Variants in PML observed in about 807,000 individuals in gnomAD.
PML encodes protein PML.
PML carries 28 observed loss-of-function variants against 65.2 expected under a neutral mutation model. The ratio of observed to expected loss-of-function variants is 0.43; its 90% CI spans 0.32 to 0.59. The LOEUF (loss-of-function observed/expected upper bound fraction) is 0.59, where lower values mean the gene tolerates loss of function less well. Ranked by LOEUF, PML falls within the 20% of genes least tolerant of loss-of-function variation. PML has a pLI of 0.08. For missense variants in PML, 1,021 were observed against 1,203.4 expected (o/e 0.85, Z 2.24); for synonymous variants, 500 against 508.8 (o/e 0.98, Z 0.23).
intron 3 of PML, among the ~76,000 whole-genome samples, chr15:74,023,960 A>G (rs2141837195): frequency 6.6e-6 from 1 of 152,294 alleles, no homozygotes; most frequent in Admixed American, 6.5e-5. Context: ...TTGAGAGGTA[A>G]GGAGACACAG....
Position 74,023,418 on chromosome 15 carries a change from C to T in PML, c.1183+10C>T. ...ATCACCCAGGGGAAAGGTAAGCACG[C>T]ACGCCACCTTCCTGGGCGGCCTGTG... On this transcript the variant is annotated intron_variant, in intron 3 of 8. Coordinates refer to ENST00000268058, the MANE Select transcript of PML (RefSeq NM_033238.3). The T allele has an allele frequency of 6.3e-7, 1 of 1,593,408 alleles. No individual in the cohort carries two copies. The highest frequency in any genetic ancestry group is 8.5e-7 in the Non-Finnish European group (1 of 1,176,012).
intron 2 of PML, among the ~76,000 whole-genome samples, chr15:74,012,696 C>T (rs1237467572): frequency 6.6e-6 from 1 of 152,176 alleles, no homozygotes; most frequent in Non-Finnish European, 1.5e-5. Flanking sequence ...GGTTGGCTTC[C>T]ATCCTTCTAG....
intron 7 of PML, chr15:74,036,097 A>T: frequency 6.2e-7 from 1 of 1,613,662 alleles, no homozygotes; most frequent in Non-Finnish European, 8.5e-7. Flanking sequence ...ATGAATGGCT[A>T]TGCATGGACC....
rs1185807473 is a variant in PML, at chr15:73,998,201, C to T, written c.327C>T (p.Phe109=). 13 of 1,614,090 alleles carry T rather than the reference C, an allele frequency of 8.1e-6. No individual in the cohort carries two copies. The highest frequency in any genetic ancestry group is 1.6e-4 in the Middle Eastern group (1 of 6,084). The change falls in exon 2 of 9, where the codon TTC becomes TTT. Residue 109 remains phenylalanine (F), a synonymous_variant. Coordinates refer to ENST00000268058, the MANE Select transcript of PML (RefSeq NM_033238.3). ...CACCCGCCCTGGATAACGTCTTTTTCGAGAGTCTGCAGCGGCGCCTGTCGG... is the reference window on the plus strand; with the variant it reads ...CACCCGCCCTGGATAACGTCTTTTTTGAGAGTCTGCAGCGGCGCCTGTCGG... ...ADTPALDNVF[F]ESLQRRLSVY...
intron 1 of PML, among the ~76,000 whole-genome samples, chr15:73,995,909 A>G (rs1166227909): frequency 1.3e-5 from 2 of 151,860 alleles, no homozygotes; most frequent in Admixed American, 1.3e-4. Flanking sequence ...CCACGCCACC[A>G]TACCTGGCTA....
rs2071716842 is a variant in PML at position 74,042,436 on chromosome 15, A to G, written c.1711-553A>G. The G allele has an allele frequency of 4.1e-6, 4 of 985,374 alleles. No homozygotes were observed. Among genetic ancestry groups the G allele is most frequent in the Non-Finnish European group, 4.8e-6 (4 of 829,902 alleles). 61.0% of individuals were successfully genotyped at this position (985,374 alleles called of 1,614,324 possible). ...GCAGGCTCCCGACCCCTTCCAAAGA[A>G]TCATCTGGGGTTCAAGATGAGGCTT... On this transcript the variant is annotated intron_variant, in intron 7 of 8. Transcript: ENST00000268058. The surrounding 1 kb of genome is among the most constrained non-coding windows in gnomAD (Gnocchi z 5.3).
chr15:74,032,839 T>G (rs566113594), intron 5 of PML, 124 bp downstream of exon 5: 1 of 1,083,196 alleles, frequency 9.2e-7, no homozygotes, highest in East Asian at 2.5e-5. Flanking sequence ...AAGTGTTTGC[T>G]CAACGCCTTC....
chr15:74,035,627 C>A lies in PML; in HGVS notation c.1710+1097C>A. On this transcript the variant is annotated intron_variant, in intron 7 of 8. Coordinates refer to ENST00000268058, the MANE Select transcript of PML (RefSeq NM_033238.3). The surrounding 1 kb of genome is among the most constrained non-coding windows in gnomAD (Gnocchi z 4.1). ...AGCTGCAAAGGGGCATCAGCCCACC[C>A]CACCGGATACGAGGGGCTGTGCGAT... 1.9e-6 allele frequency: 3 copies of A among 1,613,794 alleles called. No homozygotes were observed. The highest frequency in any genetic ancestry group is 2.5e-6 in the Non-Finnish European group (3 of 1,180,044).
intron 2 of PML, among the ~76,000 whole-genome samples, chr15:74,022,050 C>G (rs941033023): frequency 6.6e-6 from 1 of 152,164 alleles, no homozygotes; most frequent in Non-Finnish European, 1.5e-5. Flanking sequence ...CTCCGCCTCC[C>G]GGGTTCAAGC....
chr15:74,010,223 G>A (rs2070266598), intron 2 of PML, among the ~76,000 whole-genome samples: 1 of 90,092 alleles, frequency 1.1e-5, no homozygotes, highest in Non-Finnish European at 2.4e-5. Flanking sequence ...TGTAGAGATG[G>A]GCTTTCATTA....
At chr15:74,036,210 T>G in intron 7 of PML, 1 of 1,575,768 alleles carries the variant, frequency 6.3e-7, no homozygotes, top group Non-Finnish European at 8.6e-7. Flanking sequence ...AGAAAGAAAC[T>G]TCTGTCACCC....
rs190783203 is a variant in PML at position 74,039,114 on chromosome 15, T to C, written c.1711-3875T>C. ...CAGCAGCAACAGGAGGGGGCCAAGG[T>C]GAGGGGGCAGCCTGTGGCAGAAGTG... On this transcript the variant is annotated intron_variant, in intron 7 of 8. Transcript: ENST00000268058. Among the ~76,000 whole-genome samples the C allele has an allele frequency of 2.2e-3, 336 of 151,976 alleles. 4 individuals are homozygous for C. Among genetic ancestry groups the C allele is most frequent in the African/African-American group, 7.7e-3 (318 of 41,442 alleles).
Position 74,035,030 on chromosome 15 carries a change from C to T in PML, c.1710+500C>T, listed in dbSNP as rs1409532019. On this transcript the variant is annotated intron_variant, in intron 7 of 8. Coordinates refer to ENST00000268058, the MANE Select transcript of PML (RefSeq NM_033238.3). This position sits in a 1 kb window ranked among gnomAD's most constrained non-coding sequence, Gnocchi z 4.1. ...AACAGGTGGCCTCGTGGGTAGTGAC[C>T]CTTCTGTCCCTAGAGGTTTATTACT... 1 of 1,485,358 alleles carries T rather than the reference C, an allele frequency of 6.7e-7. No individual in the cohort carries two copies. Among genetic ancestry groups the T allele is most frequent in the East Asian group, 2.3e-5 (1 of 43,970 alleles). The allele number at this position is 1,485,358 out of a possible 1,614,324, so 92.0% of individuals were successfully genotyped here.
intron 2 of PML, among the ~76,000 whole-genome samples, chr15:74,012,525 G>A (rs1256669190): frequency 6.6e-6 from 1 of 152,098 alleles, no homozygotes; most frequent in Non-Finnish European, 1.5e-5. Flanking sequence ...GGCCAGGCTG[G>A]TCTCGAACTC....
At chr15:74,025,470 C>T (rs920375715) in intron 4 of PML, 1 of 167,386 alleles carries the variant, frequency 6.0e-6, no homozygotes, top group Admixed American at 5.6e-5. Flanking sequence ...AGATTTCGAT[C>T]CCAGTTGCCC....
At chr15:74,003,027 G>A (rs2069854465) in intron 2 of PML, among the ~76,000 whole-genome samples, 2 of 152,168 alleles carry the variant, frequency 1.3e-5, no homozygotes, top group African/African-American at 4.8e-5. Flanking sequence ...TCGGGAGGTG[G>A]AGGTATTCCT....
In PML at chr15:74,047,816, AAAAC is replaced by A. The variant is rs2141900728; in HGVS notation, c.*2812_*2815del. On this transcript the variant is annotated 3_prime_UTR_variant, in exon 9 of 9. Coordinates refer to ENST00000268058, the MANE Select transcript of PML (RefSeq NM_033238.3). ...ATAAACACATTTTAGATCTTAGAAA[AAAAC>A]AAAAAAACATGGGCTTGTCTTCAGG... is the stretch of plus-strand genomic sequence containing the variant. 5.7e-6 allele frequency: 1 copy of A among 176,702 alleles called. No homozygotes were observed. Among genetic ancestry groups the A allele is most frequent in the Non-Finnish European group, 1.2e-5 (1 of 82,014 alleles). 10.9% of individuals were successfully genotyped at this position (176,702 alleles called of 1,614,324 possible).
chr15:74,004,538 T>C (rs916004052), intron 2 of PML, among the ~76,000 whole-genome samples: 1 of 152,106 alleles, frequency 6.6e-6, no homozygotes, highest in Non-Finnish European at 1.5e-5. Flanking sequence ...TGGCTTCAAG[T>C]GATCCTCCTG....
chr15:74,046,071 C>T lies in PML; in HGVS notation c.*1063C>T, dbSNP rs2071767528. On this transcript the variant is annotated 3_prime_UTR_variant, in exon 9 of 9. Coordinates refer to ENST00000268058, the MANE Select transcript of PML (RefSeq NM_033238.3). ...GTGAGTGTGGCCTAGGAACAGGTCC[C>T]TTCCTAAGCTCTAGTGTCCCCATCT... The T allele has an allele frequency of 4.3e-6, 1 of 233,078 alleles. No homozygotes were observed. Among genetic ancestry groups the T allele is most frequent in the Non-Finnish European group, 8.5e-6 (1 of 117,906 alleles). 14.4% of individuals were successfully genotyped at this position (233,078 alleles called of 1,614,324 possible). A position where few individuals can be genotyped will look rare whatever the true frequency, so the allele number is the denominator to read the frequency against.
Sources: allele counts gnomAD v4.1 joint callset (sites outside exome capture counted in the v4.1 genomes callset), GRCh38; gene constraint gnomAD v4.1.1; non-coding constraint Gnocchi (gnomAD v3.1); transcripts MANE v1.5; gene names NCBI Gene and HGNC (gene_info 2026-07-23, HGNC 2026-07-21).